The following LRMDA variants were observed in gnomAD, a reference collection of about 807,000 sequenced individuals.
LRMDA encodes leucine-rich melanocyte differentiation-associated protein.
LRMDA carries 18 observed loss-of-function variants against 29.8 expected under a neutral mutation model. That is an observed-to-expected ratio of 0.60 (90% CI 0.42 to 0.90). The LOEUF (loss-of-function observed/expected upper bound fraction) is 0.90. LRMDA is among the 40% of genes least tolerant of loss of function. The pLI is 0.00. For missense variants in LRMDA, 273 were observed against 273.9 expected (o/e 1.00, Z 0.02); for synonymous variants, 125 against 109.4 (o/e 1.14, Z -0.89).
intron 6 of LRMDA, among the ~76,000 whole-genome samples, chr10:76,421,182 A>T (rs1386575768): frequency 6.6e-6 from 1 of 152,008 alleles, no homozygotes; most frequent in Non-Finnish European, 1.5e-5. Flanking sequence ...AGTTCTGTTG[A>T]TTTTTGTTTC....
rs1370834065 is a variant in LRMDA at position 75,431,661 on chromosome 10, G to A, written c.-64G>A. 1.5e-5 allele frequency: 18 copies of A among 1,232,294 alleles called. No homozygotes were observed. In the South Asian group the frequency reaches 2.5e-4, roughly 17 times the overall value. 76.3% of individuals were successfully genotyped at this position (1,232,294 alleles called of 1,614,324 possible). A position where few individuals can be genotyped will look rare whatever the true frequency, so the allele number is the denominator to read the frequency against. On this transcript the variant is annotated 5_prime_UTR_variant, in exon 1 of 7. Transcript: ENST00000611255. Reference sequence around the variant, plus strand: ...TGCGCCCGCCGCGCTCCCCTGCCGCGCTCCCCGCTGCTGCCGCCGCGCCCC... The same window carrying A: ...TGCGCCCGCCGCGCTCCCCTGCCGCACTCCCCGCTGCTGCCGCCGCGCCCC...
chr10:75,470,865 GC>G (rs1476854902), intron 2 of LRMDA, among the ~76,000 whole-genome samples: 1 of 152,230 alleles, frequency 6.6e-6, no homozygotes, highest in African/African-American at 2.4e-5. Context: ...ACTTAGGCCA[GC>G]CCTGCCCTGC....
intron 2 of LRMDA, among the ~76,000 whole-genome samples, chr10:75,449,696 G>A (rs1442479927): frequency 6.6e-6 from 1 of 152,092 alleles, no homozygotes; most frequent in African/African-American, 2.4e-5. Flanking sequence ...AAAGTTTGGC[G>A]AGGCAGGACC....
intron 2 of LRMDA, among the ~76,000 whole-genome samples, chr10:75,701,456 C>A (rs10824335): frequency 0.27 from 40,836 of 152,120 alleles, 5,820 homozygotes; most frequent in African/African-American, 0.37. Flanking sequence ...CCAAGACACA[C>A]AAGCAGCTTT....
chr10:76,175,474 T>A (rs1850917180), intron 5 of LRMDA, among the ~76,000 whole-genome samples: 1 of 152,210 alleles, frequency 6.6e-6, no homozygotes, highest in Non-Finnish European at 1.5e-5. Flanking sequence ...ATTATTTTAA[T>A]GCTATTATCG....
At chr10:75,459,236 C>A (rs1041817452) in intron 2 of LRMDA, among the ~76,000 whole-genome samples, 1 of 152,082 alleles carries the variant, frequency 6.6e-6, no homozygotes, top group African/African-American at 2.4e-5. Context: ...GAGTTTGAGA[C>A]CTGCCTGGGC....
chr10:75,734,372 C>T (rs996150022), intron 2 of LRMDA, among the ~76,000 whole-genome samples: 1 of 152,172 alleles, frequency 6.6e-6, no homozygotes. Flanking sequence ...ACATCCCCCG[C>T]CATGTTTAGC....
At chr10:76,330,903 A>G (rs1840896561) in intron 6 of LRMDA, among the ~76,000 whole-genome samples, 2 of 152,238 alleles carry the variant, frequency 1.3e-5, no homozygotes, top group African/African-American at 4.8e-5. Flanking sequence ...AAATAGATGC[A>G]TTTATTTAGG....
chr10:75,720,843 A>C (rs1564549222), intron 2 of LRMDA, among the ~76,000 whole-genome samples: 2 of 152,126 alleles, frequency 1.3e-5, no homozygotes, highest in South Asian at 4.1e-4. Flanking sequence ...AGTATAGAGA[A>C]ACAGATTCCT....
At chr10:76,137,434 C>T (rs1442292594) in intron 5 of LRMDA, among the ~76,000 whole-genome samples, 1 of 152,140 alleles carries the variant, frequency 6.6e-6, no homozygotes, top group African/African-American at 2.4e-5. Flanking sequence ...GATGCTTGTC[C>T]ATTGTCTGTG....
At chr10:75,442,048 G>GTATT (rs960890396) in intron 2 of LRMDA, among the ~76,000 whole-genome samples, 14 of 152,328 alleles carry the variant, frequency 9.2e-5, no homozygotes, top group African/African-American at 3.4e-4. Flanking sequence ...GCACAGCTAA[G>GTATT]TATTGTTACT....
At chr10:76,199,139 C>T (rs1450573817) in intron 5 of LRMDA, among the ~76,000 whole-genome samples, 1 of 152,114 alleles carries the variant, frequency 6.6e-6, no homozygotes, top group Non-Finnish European at 1.5e-5. Flanking sequence ...CAGATGTCAT[C>T]TGTGTCGTTC....
intron 5 of LRMDA, among the ~76,000 whole-genome samples, chr10:76,098,336 C>T (rs1470634358): frequency 6.6e-6 from 1 of 152,086 alleles, no homozygotes; most frequent in East Asian, 1.9e-4. Context: ...TCAAAGTTGT[C>T]AGAAGATTTT....
chr10:75,893,135 T>G (rs1046653835), intron 2 of LRMDA, among the ~76,000 whole-genome samples: 1 of 152,200 alleles, frequency 6.6e-6, no homozygotes, highest in African/African-American at 2.4e-5. Context: ...TTTGGTAGCA[T>G]GCACATGGGC....
At chr10:76,294,344 T>A (rs1323119793) in intron 5 of LRMDA, among the ~76,000 whole-genome samples, 7 of 152,160 alleles carry the variant, frequency 4.6e-5, no homozygotes, top group Admixed American at 4.6e-4. Flanking sequence ...CAAGTAGATC[T>A]TCAGGGGAAA....
chr10:75,601,186 A>G (rs1840881218), intron 2 of LRMDA: 1 of 152,162 alleles, frequency 6.6e-6, no homozygotes, highest in Admixed American at 6.5e-5. Context: ...GCTAATTATA[A>G]CTAATATGTT....
At chr10:75,477,368 C>A (rs1844808182) in intron 2 of LRMDA, among the ~76,000 whole-genome samples, 1 of 152,184 alleles carries the variant, frequency 6.6e-6, no homozygotes, top group Non-Finnish European at 1.5e-5. Context: ...TGGGTTAGAA[C>A]TGCAACATAC....
chr10:76,238,852 G>A (rs558728414), intron 5 of LRMDA, among the ~76,000 whole-genome samples: 40 of 151,084 alleles, frequency 2.6e-4, no homozygotes, highest in Admixed American at 5.3e-4. Context: ...TGATGGCGAC[G>A]GCACCCTTAC....
intron 2 of LRMDA, among the ~76,000 whole-genome samples, chr10:75,773,580 C>T (rs1452617237): frequency 1.3e-5 from 2 of 152,194 alleles, no homozygotes; most frequent in East Asian, 1.9e-4. Context: ...ATGTTTTCCA[C>T]GTCCTTGAGT....
Sources: gnomAD v4.1 joint callset for allele counts (sites outside exome capture counted in the v4.1 genomes callset) on GRCh38, gnomAD v4.1.1 for gene constraint, MANE v1.5 for transcripts, NCBI Gene and HGNC (gene_info 2026-07-23, HGNC 2026-07-21) for gene names.